The following MTFR1L variants were observed in gnomAD, a reference collection of about 807,000 sequenced individuals.
MTFR1L encodes the protein mitochondrial fission regulator 1 like.
MTFR1L carries 10 observed loss-of-function variants against 27.9 expected under a neutral mutation model. That is an observed-to-expected ratio of 0.36 (90% CI 0.22 to 0.61). MTFR1L has a LOEUF of 0.61. MTFR1L is among the 20% of genes least tolerant of loss of function. The pLI is 0.73. For synonymous variants in MTFR1L, 151 were observed against 139.4 expected (o/e 1.08, Z -0.58); for missense variants, 315 against 363.7 (o/e 0.87, Z 1.09).
chr1:25,825,836 T>G (rs997953569), intron 3 of MTFR1L: 3 of 161,854 alleles, frequency 1.9e-5, no homozygotes, highest in African/African-American at 7.2e-5. Flanking sequence ...GACTCTCATG[T>G]GTCTTGCCTG....
intron 1 of MTFR1L, chr1:25,821,757 T>A (rs1243290274): frequency 2.0e-5 from 3 of 152,348 alleles, no homozygotes; most frequent in Non-Finnish European, 2.9e-5. Context: ...TTGTCTTCAT[T>A]TCCTACTCCC....
chr1:25,831,967 G>C lies in MTFR1L; in HGVS notation c.820G>C (p.Glu274Gln). 6.2e-7 allele frequency: 1 copy of C among 1,614,222 alleles called. No homozygotes were observed. Among genetic ancestry groups the C allele is most frequent in the Non-Finnish European group, 8.5e-7 (1 of 1,180,044 alleles). The change falls in exon 7 of 7, where the codon GAG becomes CAG. Residue 274 changes from glutamate to glutamine, a missense_variant. Transcript: ENST00000374303. ...KEEDPAVLIS[E>Q]VLRRKFALKE... Reference sequence around the variant, plus strand: ...GGAAGACCCTGCTGTGCTTATCTCTGAGGTCCTAAGGAGGAAGTTTGCTCT... The same window carrying C: ...GGAAGACCCTGCTGTGCTTATCTCTCAGGTCCTAAGGAGGAAGTTTGCTCT...
chr1:25,825,986 A>G (rs776421227), intron 3 of MTFR1L: 10 of 302,962 alleles, frequency 3.3e-5, no homozygotes, highest in Non-Finnish European at 5.8e-5. Flanking sequence ...GGCGTATACC[A>G]CCATACCCAG....
Position 25,832,143 on chromosome 1 carries a change from C to A in MTFR1L, c.*117C>A. On this transcript the variant is annotated 3_prime_UTR_variant, in exon 7 of 7. Transcript: ENST00000374303. ...AGATCTTCTGCAACAGTCTTGCTGA[C>A]AAGCTAGAGCTTGGACTGAAAGAGA... The A allele has an allele frequency of 2.5e-6, 4 of 1,579,448 alleles. No individual in the cohort carries two copies. The highest frequency in any genetic ancestry group is 1.1e-5 in the South Asian group (1 of 88,360).
In MTFR1L at chr1:25,823,677, G is replaced by C; in HGVS notation, c.58G>C (p.Ala20Pro). 1.2e-6 allele frequency: 2 copies of C among 1,614,028 alleles called. No individual in the cohort carries two copies. Among genetic ancestry groups the C allele is most frequent in the Non-Finnish European group, 1.7e-6 (2 of 1,179,958 alleles). ...AATCTGGCAAAACAAGCCACATGGG[G>C]CTGCTCGAAGTGTAGTAAGAAGAAT... ...IPIWQNKPHGAARSVVRRIGT... is the reference protein window; with the variant it reads ...IPIWQNKPHGPARSVVRRIGT... The change falls in exon 3 of 7, where the codon GCT (alanine) becomes CCT (proline). Residue 20 changes from alanine to proline, a missense_variant. Ala to Pro is a conservative substitution (Grantham distance 27). Coordinates refer to ENST00000374303, the MANE Select transcript of MTFR1L (RefSeq NM_001099625.2).
At chr1:25,823,802 G>A (rs1362054402) in intron 3 of MTFR1L, 54 bp downstream of exon 3, 3 of 1,596,082 alleles carry the variant, frequency 1.9e-6, no homozygotes, top group East Asian at 4.5e-5. Flanking sequence ...CTGCTTCTGT[G>A]CCCCAAACCC....
chr1:25,823,416 C>T (rs1454612794), intron 2 of MTFR1L: 1 of 748,938 alleles, frequency 1.3e-6, no homozygotes. Flanking sequence ...ACCCTCCCAA[C>T]ATTGACTGCC....
chr1:25,820,227 C>T (rs1315604681), intron 1 of MTFR1L, 198 bp downstream of exon 1: 3 of 455,620 alleles, frequency 6.6e-6, no homozygotes. Flanking sequence ...TCGGAGTTCC[C>T]CAGCAAACAG....
In MTFR1L at chr1:25,829,536, T is replaced by G; in HGVS notation, c.479T>G (p.Leu160Ter). The change falls in exon 6 of 7, where the codon TTA (leucine) becomes TGA (stop). Residue 160 changes from leucine (L) to a stop codon, truncating the protein, a stop_gained. Transcript: ENST00000374303. LOFTEE classifies it high-confidence loss of function. The part of the protein sequence containing the change: ...AASASLTPDF[L>*]SPGSSNVSSP... ...TCGGCTTCATTAACGCCAGATTTCT[T>G]ATCTCCAGGAAGTTCAAATGTCTCT... The G allele has an allele frequency of 6.2e-7, 1 of 1,613,732 alleles. No homozygotes were observed. Among genetic ancestry groups the G allele is most frequent in the Non-Finnish European group, 8.5e-7 (1 of 1,179,772 alleles).
At chr1:25,823,618 T>C in intron 2 of MTFR1L, 26 bp from the exon 3 acceptor site, 2 of 1,611,066 alleles carry the variant, frequency 1.2e-6, no homozygotes, top group African/African-American at 2.7e-5. Context: ...TCTGGGGTTG[T>C]AGCTGTCTCC....
chr1:25,823,156 T>C (rs2048119523), intron 2 of MTFR1L, 28 bp downstream of exon 2: 1 of 1,608,372 alleles, frequency 6.2e-7, no homozygotes, highest in African/African-American at 1.3e-5. Context: ...GGCAGGGGTA[T>C]GGTGGGGAAG....
rs759415127 is a variant in MTFR1L, at chr1:25,832,331, T to C, written c.*305T>C. The C allele has an allele frequency of 9.9e-6, 7 of 707,992 alleles. No individual in the cohort carries two copies. Among genetic ancestry groups the C allele is most frequent in the Admixed American group, 5.4e-5 (2 of 37,102 alleles). The allele number at this position is 707,992 out of a possible 1,614,324, so 43.9% of individuals were successfully genotyped here. A position where few individuals can be genotyped will look rare whatever the true frequency, so the allele number is the denominator to read the frequency against. ...GTTTTTCCTTGCCCCTGTGTGAAAATAGGTCCTAAATGACTGACTTCACTG... is the reference window on the plus strand; with the variant it reads ...GTTTTTCCTTGCCCCTGTGTGAAAACAGGTCCTAAATGACTGACTTCACTG... On this transcript the variant is annotated 3_prime_UTR_variant, in exon 7 of 7. Coordinates refer to ENST00000374303, the MANE Select transcript of MTFR1L (RefSeq NM_001099625.2).
rs914186336 is a variant in MTFR1L at position 25,823,147 on chromosome 1, G to A, written c.24+19G>A. 3.1e-6 allele frequency: 5 copies of A among 1,611,950 alleles called. No individual in the cohort carries two copies. The highest frequency in any genetic ancestry group is 4.2e-6 in the Non-Finnish European group (5 of 1,177,978). ...CACTGTGGTAAGGGGCATTCCCAGG[G>A]CAGGGGTATGGTGGGGAAGGTTGGG... On this transcript the variant is annotated intron_variant, in intron 2 of 6. Transcript: ENST00000374303.
rs747467084 is a variant in MTFR1L at position 25,826,612 on chromosome 1, C to T, written c.240-3C>T. The T allele has an allele frequency of 3.3e-5, 53 of 1,614,016 alleles. No individual in the cohort carries two copies. The highest frequency in any genetic ancestry group is 4.3e-5 in the Non-Finnish European group (51 of 1,180,030). ...CTGATCTACTTGGTTTTCCCTGGTC[C>T]AGGAGTGATACGCGCCCCCTGAGGC... On this transcript the variant is annotated splice_polypyrimidine_tract_variant and splice_region_variant and intron_variant, in intron 4 of 6. Transcript: ENST00000374303. The surrounding 1 kb of genome is among the most constrained non-coding windows in gnomAD (Gnocchi z 4.1).
intron 1 of MTFR1L, chr1:25,820,269 G>A (rs1465234934): frequency 2.2e-6 from 1 of 455,972 alleles, no homozygotes; most frequent in Admixed American, 2.3e-5. Context: ...TTCTAGTTTC[G>A]GCTTCGCTGC....
intron 2 of MTFR1L, 180 bp from the exon 3 acceptor site, chr1:25,823,464 G>A (rs2048126265): frequency 2.0e-6 from 2 of 985,568 alleles, no homozygotes; most frequent in Non-Finnish European, 3.1e-6. Context: ...GGCTGGCCAG[G>A]GTGTAGGCTG....
In MTFR1L at chr1:25,820,751, C is replaced by G. The variant is rs111395389; in HGVS notation, c.-87+722C>G. ...CGGGGGTGACAGCTGAGTTGGTGTTCCCCTTCATTCGTTTAGTTCAGCGCG... is the reference window on the plus strand; with the variant it reads ...CGGGGGTGACAGCTGAGTTGGTGTTGCCCTTCATTCGTTTAGTTCAGCGCG... On this transcript the variant is annotated intron_variant, in intron 1 of 6. Coordinates refer to ENST00000374303, the MANE Select transcript of MTFR1L (RefSeq NM_001099625.2). The G allele has an allele frequency of 2.8e-4, 123 of 440,046 alleles. 1 individual carries two copies. The highest frequency in any genetic ancestry group is 2.3e-3 in the African/African-American group (111 of 48,162). The allele number at this position is 440,046 out of a possible 1,614,324, so 27.3% of individuals were successfully genotyped here. A position where few individuals can be genotyped will look rare whatever the true frequency, so the allele number is the denominator to read the frequency against.
In MTFR1L at chr1:25,826,295, T is replaced by C; in HGVS notation, c.130-7T>C. The C allele has an allele frequency of 1.9e-6, 3 of 1,613,620 alleles. No homozygotes were observed. The highest frequency in any genetic ancestry group is 2.5e-6 in the Non-Finnish European group (3 of 1,179,580). On this transcript the variant is annotated splice_region_variant and splice_polypyrimidine_tract_variant and intron_variant, in intron 3 of 6. Transcript: ENST00000374303. This position sits in a 1 kb window ranked among gnomAD's most constrained non-coding sequence, Gnocchi z 4.1. The stretch of plus-strand genomic sequence containing the variant: ...TGTAAATGTTGATGACTTTTGCTTC[T>C]CCATAGACCCTGCCCAACATCTCTG...
chr1:25,824,459 G>A (rs772712578), intron 3 of MTFR1L, among the ~76,000 whole-genome samples: 1 of 152,136 alleles, frequency 6.6e-6, no homozygotes, highest in African/African-American at 2.4e-5. Flanking sequence ...TGGAGAGCTG[G>A]GATACAAAAG....
Sources: gnomAD v4.1 joint callset for allele counts (sites outside exome capture counted in the v4.1 genomes callset) on GRCh38, gnomAD v4.1.1 for gene constraint, Gnocchi (gnomAD v3.1) non-coding constraint, MANE v1.5 for transcripts, NCBI Gene and HGNC (gene_info 2026-07-23, HGNC 2026-07-21) for gene names.